MAF: variants seen among roughly 807,000 people sequenced by gnomAD.
MAF encodes the protein transcription factor Maf.
Under a neutral mutation model 22.0 loss-of-function variants are expected in MAF, and 10 were observed. That is an observed-to-expected ratio of 0.45 (90% CI 0.28 to 0.77). The LOEUF is 0.77. Among genes scored for constraint, MAF ranks in the 30% least tolerant of loss-of-function variants. The pLI is 0.12. For synonymous variants in MAF, 337 were observed against 255.8 expected, an observed-to-expected ratio of 1.32 and a Z score of -3.03; for missense variants, 544 against 548.4, an observed-to-expected ratio of 0.99 and a Z score of 0.08.
rs73587071 is a variant in MAF at position 79,598,718 on chromosome 16, A to G, written c.1118+67T>C. On this transcript the variant is annotated intron_variant, in intron 1 of 1. Coordinates refer to ENST00000326043, the MANE Select transcript of MAF (RefSeq NM_005360.5). ...GCATGGCTCTAGAACTAGCAAGCCC[A>G]CACCCGAGCCGGACCCCCGCGGAGC... 1,937 of 1,605,716 alleles carry G rather than the reference A, an allele frequency of 1.2e-3. 26 individuals carry two copies. The African/African-American group carries it at 0.023, about 19-fold the overall frequency.
chr16:79,334,415 C>T, the MAF span, among the ~76,000 whole-genome samples: 3 of 152,112 alleles, frequency 2.0e-5, no homozygotes, highest in East Asian at 3.9e-4. Flanking sequence ...GTCAGAACAG[C>T]GGTCACCTCT....
the MAF span, among the ~76,000 whole-genome samples, chr16:79,511,180 T>C: frequency 1.3e-5 from 2 of 151,948 alleles, no homozygotes; most frequent in African/African-American, 2.4e-5. Flanking sequence ...TTACCTTTTC[T>C]CTCCAAACCT....
chr16:79,464,262 A>C, the MAF span, among the ~76,000 whole-genome samples: 1 of 152,204 alleles, frequency 6.6e-6, no homozygotes, highest in Non-Finnish European at 1.5e-5. Context: ...GAGGCCAGAC[A>C]GGTAAATGCA....
At chr16:79,507,183 G>A in the MAF span, among the ~76,000 whole-genome samples, 26 of 149,382 alleles carry the variant, frequency 1.7e-4, no homozygotes, top group Non-Finnish European at 7.4e-5. Context: ...GCGTGATCTC[G>A]GCCCACTGCA....
At chr16:79,518,909 G>C in the MAF span, among the ~76,000 whole-genome samples, 2 of 152,264 alleles carry the variant, frequency 1.3e-5, no homozygotes, top group South Asian at 4.2e-4. Context: ...TGGGTGACAA[G>C]AGTGAAACTC....
the MAF span, among the ~76,000 whole-genome samples, chr16:79,428,719 C>T: frequency 3.9e-5 from 6 of 151,992 alleles, no homozygotes; most frequent in Non-Finnish European, 5.9e-5. Flanking sequence ...ATGGTTTGTG[C>T]CTGTAGTTCT....
downstream of MAF, among the ~76,000 whole-genome samples, chr16:79,591,573 C>A (rs1157620113): frequency 1.3e-5 from 2 of 152,180 alleles, no homozygotes; most frequent in Non-Finnish European, 2.9e-5. Flanking sequence ...GTGTAAGGAA[C>A]TGTGCATTCC....
At chr16:79,330,733 C>G in the MAF span, among the ~76,000 whole-genome samples, 1 of 152,228 alleles carries the variant, frequency 6.6e-6, no homozygotes, top group East Asian at 1.9e-4. Context: ...GAGGCATGAA[C>G]TTGGAAATCT....
chr16:79,545,439 C>G, the MAF span, among the ~76,000 whole-genome samples: 1 of 151,876 alleles, frequency 6.6e-6, no homozygotes, highest in Non-Finnish European at 1.5e-5. Flanking sequence ...AAGTGTGGCA[C>G]CCATTTGAGC....
At chr16:79,252,114 T>C in the MAF span, among the ~76,000 whole-genome samples, 1 of 152,260 alleles carries the variant, frequency 6.6e-6, no homozygotes, top group Non-Finnish European at 1.5e-5. Flanking sequence ...GTGATAACTC[T>C]GGTTCTGTCA....
the MAF span, among the ~76,000 whole-genome samples, chr16:79,501,896 T>C: frequency 1.3e-5 from 2 of 152,220 alleles, no homozygotes; most frequent in Non-Finnish European, 2.9e-5. Context: ...AGGAACTCTG[T>C]ATTTTTCCCC....
the MAF span, among the ~76,000 whole-genome samples, chr16:79,222,942 C>A: frequency 9.2e-5 from 14 of 152,198 alleles, no homozygotes; most frequent in African/African-American, 3.4e-4. Flanking sequence ...ACTCCACTGT[C>A]AATATTAGAC....
the MAF span, among the ~76,000 whole-genome samples, chr16:79,405,678 T>C: frequency 6.6e-6 from 1 of 152,248 alleles, no homozygotes; most frequent in Non-Finnish European, 1.5e-5. Flanking sequence ...CATACAGATC[T>C]AAGTTGTGAC....
the MAF span, among the ~76,000 whole-genome samples, chr16:79,520,298 C>T: frequency 4.6e-5 from 7 of 152,102 alleles, no homozygotes; most frequent in East Asian, 1.9e-4. Context: ...AAGTTCTCAC[C>T]GTTGCCTAAG....
At chr16:79,520,563 C>A in the MAF span, among the ~76,000 whole-genome samples, 1 of 152,140 alleles carries the variant, frequency 6.6e-6, no homozygotes, top group Non-Finnish European at 1.5e-5. Context: ...AATATGGCTT[C>A]TCTTATTTAC....
the MAF span, among the ~76,000 whole-genome samples, chr16:79,569,380 G>C: frequency 1.3e-5 from 2 of 152,204 alleles, no homozygotes; most frequent in Non-Finnish European, 2.9e-5. Context: ...AAACAGGTGA[G>C]TTTCTCTGGA....
At chr16:79,576,321 C>T in the MAF span, among the ~76,000 whole-genome samples, 39 of 148,926 alleles carry the variant, frequency 2.6e-4, no homozygotes, top group African/African-American at 8.7e-4. Context: ...TTCCATCAGG[C>T]GATTGATTAA....
the MAF span, among the ~76,000 whole-genome samples, chr16:79,272,206 A>C: frequency 9.8e-5 from 15 of 152,328 alleles, no homozygotes; most frequent in Middle Eastern, 3.4e-3. Flanking sequence ...ACGCGCTCAG[A>C]GACAGAGGCG....
At chr16:79,249,236 A>T in the MAF span, among the ~76,000 whole-genome samples, 23,149 of 152,058 alleles carry the variant, frequency 0.15, 2,779 homozygotes, top group African/African-American at 0.33. Flanking sequence ...CCTGACCAAC[A>T]TGAAGAAACC....
Sources: gnomAD v4.1 joint callset for allele counts (sites outside exome capture counted in the v4.1 genomes callset) on GRCh38, gnomAD v4.1.1 for gene constraint, MANE v1.5 for transcripts, NCBI Gene and HGNC (gene_info 2026-07-23, HGNC 2026-07-21) for gene names.